The following RIGI variants were observed in gnomAD, a reference collection of about 807,000 sequenced individuals.
RIGI encodes the protein RNA sensor RIG-I.
the RIGI span, among the ~76,000 whole-genome samples, chr9:32,483,549 T>G: frequency 6.6e-6 from 1 of 152,084 alleles, no homozygotes; most frequent in Non-Finnish European, 1.5e-5. Context: ...ACCACATCAG[T>G]GTGCTGCTGG....
the RIGI span, among the ~76,000 whole-genome samples, chr9:32,479,115 C>T: frequency 1.3e-5 from 2 of 152,160 alleles, no homozygotes; most frequent in African/African-American, 4.8e-5. Flanking sequence ...GAAAGAACCA[C>T]ACTTCTTTGT....
At chr9:32,521,099 C>T in the RIGI span, among the ~76,000 whole-genome samples, 3 of 132,814 alleles carry the variant, frequency 2.3e-5, no homozygotes, top group African/African-American at 5.9e-5. Flanking sequence ...GAGCCAAGAT[C>T]GCACCACTGT....
chr9:32,516,287 G>C, the RIGI span, among the ~76,000 whole-genome samples: 1 of 152,136 alleles, frequency 6.6e-6, no homozygotes, highest in Non-Finnish European at 1.5e-5. Context: ...ATGGAGTTGA[G>C]ACTAATCTCT....
At chr9:32,515,336 C>CAA in the RIGI span, among the ~76,000 whole-genome samples, 1 of 76,168 alleles carries the variant, frequency 1.3e-5, no homozygotes, top group African/African-American at 4.2e-5. Flanking sequence ...AAAAAAAAAG[C>CAA]CACACGTTTG....
At chr9:32,465,767 A>G in the RIGI span, among the ~76,000 whole-genome samples, 23 of 152,308 alleles carry the variant, frequency 1.5e-4, no homozygotes, top group African/African-American at 5.5e-4. Context: ...GTCTGGAGAA[A>G]GTATGGGTAT....
the RIGI span, among the ~76,000 whole-genome samples, chr9:32,522,098 A>C: frequency 6.6e-6 from 1 of 152,234 alleles, no homozygotes; most frequent in African/African-American, 2.4e-5. Context: ...TAAAAGGCTG[A>C]CATGTTTATA....
the RIGI span, chr9:32,525,953 T>C: frequency 1.1e-6 from 1 of 879,330 alleles, no homozygotes; most frequent in Non-Finnish European, 1.9e-6. Context: ...ACCACAAACC[T>C]GGGGAGTCTG....
the RIGI span, among the ~76,000 whole-genome samples, chr9:32,497,057 T>C: frequency 6.6e-6 from 1 of 152,238 alleles, no homozygotes; most frequent in Non-Finnish European, 1.5e-5. Context: ...CTATAAATTT[T>C]GGATAATTTT....
chr9:32,466,450 AAAT>A, the RIGI span: 1 of 1,589,330 alleles, frequency 6.3e-7, no homozygotes, highest in Non-Finnish European at 8.5e-7. Flanking sequence ...GCCTATTAGA[AAAT>A]AAATATTTTA....
the RIGI span, among the ~76,000 whole-genome samples, chr9:32,465,501 T>A: frequency 1.3e-5 from 2 of 152,202 alleles, no homozygotes; most frequent in African/African-American, 4.8e-5. Context: ...GGCACGTATT[T>A]TATGCCAGGC....
the RIGI span, among the ~76,000 whole-genome samples, chr9:32,468,730 C>G: frequency 2.0e-5 from 3 of 151,844 alleles, no homozygotes; most frequent in Non-Finnish European, 4.4e-5. Context: ...GACAAGCTAG[C>G]TATCAGCAGT....
chr9:32,466,152 GA>G, the RIGI span: 1 of 828,166 alleles, frequency 1.2e-6, no homozygotes, highest in African/African-American at 1.8e-5. Flanking sequence ...AAAACAGAAT[GA>G]ATTTAATATT....
chr9:32,498,982 C>CAAAAAA, the RIGI span, among the ~76,000 whole-genome samples: 1 of 97,636 alleles, frequency 1.0e-5, no homozygotes, highest in Non-Finnish European at 2.0e-5. Context: ...GACTCTGTCT[C>CAAAAAA]AAAAAAAAAA....
the RIGI span, chr9:32,477,249 G>A: frequency 3.4e-6 from 4 of 1,184,686 alleles, no homozygotes; most frequent in East Asian, 4.9e-5. Flanking sequence ...AATTTTATGA[G>A]TAGTAAGTAC....
At chr9:32,526,075 G>T in the RIGI span, 4 of 1,613,708 alleles carry the variant, frequency 2.5e-6, no homozygotes, top group Non-Finnish European at 3.4e-6. Context: ...CCTAAACCAG[G>T]GGGCCATGTA....
At chr9:32,474,069 G>T in the RIGI span, among the ~76,000 whole-genome samples, 1 of 151,950 alleles carries the variant, frequency 6.6e-6, no homozygotes, top group Admixed American at 6.6e-5. Flanking sequence ...GGGTGTGGTG[G>T]TTTACACCTG....
At chr9:32,465,121 T>C in the RIGI span, among the ~76,000 whole-genome samples, 2 of 152,062 alleles carry the variant, frequency 1.3e-5, no homozygotes, top group Admixed American at 1.3e-4. Context: ...TTTTACAAAA[T>C]GGAAAGGTGG....
chr9:32,525,211 C>G, the RIGI span, among the ~76,000 whole-genome samples: 1 of 152,166 alleles, frequency 6.6e-6, no homozygotes, highest in Non-Finnish European at 1.5e-5. Context: ...AAGGTGCCCC[C>G]TGACCCCTTC....
the RIGI span, chr9:32,480,143 T>C: frequency 2.7e-6 from 4 of 1,494,064 alleles, no homozygotes; most frequent in Non-Finnish European, 1.8e-6. Flanking sequence ...ATATATTAAA[T>C]GCAATACATG....
Sources: allele counts gnomAD v4.1 joint callset (sites outside exome capture counted in the v4.1 genomes callset), GRCh38; gene constraint gnomAD v4.1.1; transcripts MANE v1.5; gene names NCBI Gene and HGNC (gene_info 2026-07-23, HGNC 2026-07-21).